TP63: variants seen among roughly 807,000 people sequenced by gnomAD.
TP63 encodes the protein tumor protein p63, also known as tumor protein 63.
Under a neutral mutation model 82.8 loss-of-function variants are expected in TP63, and 17 were observed. The ratio of observed to expected loss-of-function variants is 0.21; its 90% CI spans 0.14 to 0.31. The LOEUF is 0.31. Ranked by LOEUF, TP63 falls within the 10% of genes least tolerant of loss-of-function variation. TP63 has a pLI of 1.00. For missense variants in TP63, 648 were observed against 895.3 expected (o/e 0.72, Z 3.52); for synonymous variants, 330 against 321.7 (o/e 1.03, Z -0.28).
intron 3 of TP63, among the ~76,000 whole-genome samples, chr3:189,767,394 A>T (rs1212951522): frequency 6.6e-6 from 1 of 151,002 alleles, no homozygotes; most frequent in African/African-American, 2.4e-5. Context: ...TTGAAGGGGA[A>T]AAACCAGTAA....
chr3:189,812,770 G>C (rs1385745013), intron 4 of TP63, among the ~76,000 whole-genome samples: 1 of 152,012 alleles, frequency 6.6e-6, no homozygotes, highest in African/African-American at 2.4e-5. Context: ...GAATTTCTTC[G>C]GTTCGTGAGT....
intron 4 of TP63, among the ~76,000 whole-genome samples, chr3:189,837,437 C>T (rs1355786731): frequency 6.9e-5 from 5 of 72,596 alleles, no homozygotes; most frequent in South Asian, 4.0e-4. Flanking sequence ...TTTCAGGTTC[C>T]AAAAATCCAA....
At chr3:189,879,726 C>T (rs753958446) in intron 10 of TP63, among the ~76,000 whole-genome samples, 1 of 151,990 alleles carries the variant, frequency 6.6e-6, no homozygotes, top group African/African-American at 2.4e-5. Context: ...TCGACTGAAT[C>T]GCCTTGTGTA....
intron 1 of TP63, among the ~76,000 whole-genome samples, chr3:189,736,199 A>G (rs1720580371): frequency 1.3e-5 from 2 of 150,288 alleles, no homozygotes; most frequent in South Asian, 4.2e-4. Context: ...GTAAATATAC[A>G]CACACACTCT....
At chr3:189,712,036 G>A (rs1242912305) in intron 1 of TP63, among the ~76,000 whole-genome samples, 1 of 152,182 alleles carries the variant, frequency 6.6e-6, no homozygotes, top group Non-Finnish European at 1.5e-5. Flanking sequence ...CTTTCTTCTG[G>A]AAAGTTTCAG....
chr3:189,706,858 C>G (rs539976750), intron 1 of TP63, among the ~76,000 whole-genome samples: 1 of 152,184 alleles, frequency 6.6e-6, no homozygotes, highest in East Asian at 1.9e-4. Context: ...TCTGATACTT[C>G]AATGGAGAGT....
At chr3:189,606,115 G>A in the TP63 span, among the ~76,000 whole-genome samples, 1 of 152,142 alleles carries the variant, frequency 6.6e-6, no homozygotes, top group Non-Finnish European at 1.5e-5. Context: ...AAGAAACATT[G>A]CTATTCATAA....
intron 1 of TP63, among the ~76,000 whole-genome samples, chr3:189,689,705 C>T (rs2108716041): frequency 6.6e-6 from 1 of 152,256 alleles, no homozygotes; most frequent in Middle Eastern, 3.4e-3. Flanking sequence ...TCCTAGATTA[C>T]TGCTCATTGT....
chr3:189,808,683 G>A (rs990116648), intron 4 of TP63, among the ~76,000 whole-genome samples, 157 bp downstream of exon 4: 11 of 152,230 alleles, frequency 7.2e-5, no homozygotes, highest in Non-Finnish European at 1.3e-4. Context: ...GAGAGAGAAA[G>A]TGCCAGTTAG....
intron 3 of TP63, among the ~76,000 whole-genome samples, chr3:189,760,917 A>C (rs2108537998): frequency 6.6e-6 from 1 of 152,298 alleles, no homozygotes; most frequent in Non-Finnish European, 1.5e-5. Context: ...ACCATGTAGA[A>C]GCTGCCAAAG....
chr3:189,757,672 A>C (rs1332083560), intron 3 of TP63, among the ~76,000 whole-genome samples: 1 of 152,180 alleles, frequency 6.6e-6, no homozygotes, highest in Non-Finnish European at 1.5e-5. Flanking sequence ...TTATTTGAAG[A>C]TACACTAGTG....
At position 189,642,201 on chromosome 3, in the gene TP63, T is replaced by G. The variant is rs143494326; in HGVS notation, c.62+10624T>G. On this transcript the variant is annotated intron_variant, in intron 1 of 13. Transcript: ENST00000264731. ...GATGTAAGATGATATGTGGTTTTGA[T>G]TAGCACTTTTTATTAACTAGGACTT... is the stretch of plus-strand genomic sequence containing the variant. Among the ~76,000 whole-genome samples, 26 of 152,332 alleles carry G rather than the reference T, an allele frequency of 1.7e-4. No individual in the cohort carries two copies. The East Asian group carries it at 4.8e-3, about 28-fold the overall frequency.
At chr3:189,810,383 G>C (rs1424347111) in intron 4 of TP63, among the ~76,000 whole-genome samples, 1 of 152,176 alleles carries the variant, frequency 6.6e-6, no homozygotes, top group Non-Finnish European at 1.5e-5. Context: ...TACTCCGCCA[G>C]GTCTCCATTA....
intron 4 of TP63, among the ~76,000 whole-genome samples, chr3:189,837,131 G>C (rs148479276): frequency 1.3e-5 from 2 of 151,976 alleles, no homozygotes; most frequent in Non-Finnish European, 2.9e-5. Flanking sequence ...GTGGTGTTTC[G>C]CAGTCAACAA....
intron 5 of TP63, 43 bp downstream of exon 5, chr3:189,864,461 G>C (rs1225547762): frequency 6.3e-7 from 1 of 1,577,336 alleles, no homozygotes; most frequent in South Asian, 1.2e-5. Context: ...CTCCTTGAAG[G>C]TCAAGATTCT....
At chr3:189,730,992 C>G (rs1028321822) in intron 1 of TP63, among the ~76,000 whole-genome samples, 2 of 152,218 alleles carry the variant, frequency 1.3e-5, no homozygotes, top group Non-Finnish European at 2.9e-5. Context: ...AAGGGTTAGA[C>G]AATTCATGAC....
At chr3:189,785,551 A>G (rs951451469) in intron 3 of TP63, among the ~76,000 whole-genome samples, 1 of 152,110 alleles carries the variant, frequency 6.6e-6, no homozygotes, top group Non-Finnish European at 1.5e-5. Flanking sequence ...TAGGCTTTAA[A>G]GAATCTAAAA....
chr3:189,839,274 T>C (rs1046239811), intron 4 of TP63, among the ~76,000 whole-genome samples: 1 of 152,122 alleles, frequency 6.6e-6, no homozygotes, highest in Non-Finnish European at 1.5e-5. Flanking sequence ...CATGAAGAGA[T>C]TTAAAGCTCT....
At chr3:189,695,751 A>G (rs1178354929) in intron 1 of TP63, among the ~76,000 whole-genome samples, 1 of 152,176 alleles carries the variant, frequency 6.6e-6, no homozygotes, top group East Asian at 1.9e-4. Context: ...TCGCTCTCAT[A>G]CACGCATCAT....
Sources: gnomAD v4.1 joint callset for allele counts (sites outside exome capture counted in the v4.1 genomes callset) on GRCh38, gnomAD v4.1.1 for gene constraint, MANE v1.5 for transcripts, NCBI Gene and HGNC (gene_info 2026-07-23, HGNC 2026-07-21) for gene names.